The following PACRG variants were observed in gnomAD, a reference collection of about 807,000 sequenced individuals.
PACRG encodes parkin coregulated gene protein.
In PACRG, 29 loss-of-function variants were observed where a neutral mutation model predicts 29.7. That is an observed-to-expected ratio of 0.98 (90% CI 0.73 to 1.33). The LOEUF is 1.33. Ranked by LOEUF, PACRG falls within the 40% of genes most tolerant of loss-of-function variation. The probability of loss-of-function intolerance (pLI) is 0.00; values close to 1 mark genes in which losing one functional copy is unlikely to be tolerated. For synonymous variants in PACRG, 116 were observed against 118.7 expected (o/e 0.98, Z 0.15); for missense variants, 279 against 316.2 (o/e 0.88, Z 0.89).
intron 2 of PACRG, among the ~76,000 whole-genome samples, chr6:162,834,023 C>T (rs1789006297): frequency 6.6e-6 from 1 of 152,042 alleles, no homozygotes; most frequent in Non-Finnish European, 1.5e-5. Flanking sequence ...ACTCCCTGCT[C>T]CCCACATCCC....
chr6:162,872,380 G>A (rs1584607798), intron 2 of PACRG, among the ~76,000 whole-genome samples: 1 of 152,288 alleles, frequency 6.6e-6, no homozygotes, highest in East Asian at 1.9e-4. Flanking sequence ...ATCTCTAGCA[G>A]TTGAGTATTA....
chr6:163,090,877 G>A lies in PACRG; in HGVS notation c.613+1469G>A, dbSNP rs565609025. 8.5e-5 allele frequency among the ~76,000 whole-genome samples: 13 copies of A among 152,292 alleles called. No individual in the cohort carries two copies. In the South Asian group the frequency reaches 2.7e-3, roughly 32 times the overall value. On this transcript the variant is annotated intron_variant, in intron 4 of 4. Coordinates refer to ENST00000366888, the MANE Select transcript of PACRG (RefSeq NM_001080379.2). ...CTTAGTTAACATTTTTGAAGTGTGC[G>A]ATTCACTAATATTTCCTCAGTAATC... is the stretch of plus-strand genomic sequence containing the variant.
At chr6:163,033,458 AAT>A in intron 2 of PACRG, among the ~76,000 whole-genome samples, 1 of 152,360 alleles carries the variant, frequency 6.6e-6, no homozygotes, top group East Asian at 1.9e-4. Flanking sequence ...ATGTAGACCA[AAT>A]ATTTATAGTT....
intron 4 of PACRG, among the ~76,000 whole-genome samples, chr6:163,115,225 T>C (rs1447935313): frequency 6.6e-6 from 1 of 152,094 alleles, no homozygotes; most frequent in East Asian, 1.9e-4. Context: ...ATGTAGGCTG[T>C]GACCTTATTA....
chr6:163,296,537 C>A (rs190632976), intron 4 of PACRG, among the ~76,000 whole-genome samples: 1 of 152,232 alleles, frequency 6.6e-6, no homozygotes, highest in Non-Finnish European at 1.5e-5. Flanking sequence ...GAGTGATCCA[C>A]TCACCTCGGC....
chr6:163,102,068 T>A (rs529012452), intron 4 of PACRG, among the ~76,000 whole-genome samples: 9 of 152,120 alleles, frequency 5.9e-5, no homozygotes, highest in Non-Finnish European at 1.3e-4. Flanking sequence ...CCTCGCCCGG[T>A]GAACCTGAAT....
At chr6:162,810,872 C>T (rs1303176449) in intron 1 of PACRG, among the ~76,000 whole-genome samples, 1 of 152,086 alleles carries the variant, frequency 6.6e-6, no homozygotes, top group African/African-American at 2.4e-5. Context: ...CAAAGAAGTA[C>T]TCAAAGAAAT....
rs113190909 is a variant in PACRG at position 163,155,215 on chromosome 6, C to T, written c.613+65807C>T. Among the ~76,000 whole-genome samples the T allele has an allele frequency of 7.2e-4, 110 of 152,262 alleles. 1 individual carries two copies. The highest frequency in any genetic ancestry group is 2.2e-3 in the African/African-American group (93 of 41,540). On this transcript the variant is annotated intron_variant, in intron 4 of 4. Transcript: ENST00000366888. ...AGGCATGAAAGACCCTTCCCGAGCCCGCTTTCCAAAGATACGTATGCTTCC... is the reference window on the plus strand; with the variant it reads ...AGGCATGAAAGACCCTTCCCGAGCCTGCTTTCCAAAGATACGTATGCTTCC...
chr6:163,308,974 T>C (rs10945890), intron 4 of PACRG, among the ~76,000 whole-genome samples: 42,860 of 152,112 alleles, frequency 0.28, 6,266 homozygotes, highest in African/African-American at 0.35. Context: ...CATTTGAGAA[T>C]CAAAAATATG....
At chr6:163,068,210 CCG>C (rs1309797291) in intron 3 of PACRG, among the ~76,000 whole-genome samples, 2 of 152,154 alleles carry the variant, frequency 1.3e-5, no homozygotes, top group African/African-American at 4.8e-5. Flanking sequence ...CTAGTAATTT[CCG>C]GGAAGCATAT....
intron 4 of PACRG, chr6:163,189,669 A>G (rs1001507900): frequency 6.6e-6 from 1 of 152,236 alleles, no homozygotes; most frequent in Non-Finnish European, 1.5e-5. Flanking sequence ...CAGCCCTCCA[A>G]CAAATTAATT....
intron 2 of PACRG, among the ~76,000 whole-genome samples, chr6:162,856,746 C>T (rs943625390): frequency 4.6e-5 from 7 of 152,124 alleles, no homozygotes; most frequent in African/African-American, 1.2e-4. Context: ...TACAAATAGC[C>T]GTTTGAATAA....
intron 1 of PACRG, among the ~76,000 whole-genome samples, chr6:162,731,321 C>T (rs1779750929): frequency 6.6e-6 from 1 of 151,988 alleles, no homozygotes; most frequent in African/African-American, 2.4e-5. Context: ...ACAGATTCTG[C>T]CTCCATGGAT....
At chr6:162,744,546 GATC>G (rs1780841652) in intron 1 of PACRG, among the ~76,000 whole-genome samples, 1 of 152,088 alleles carries the variant, frequency 6.6e-6, no homozygotes, top group Non-Finnish European at 1.5e-5. Flanking sequence ...AGTGAGCTGT[GATC>G]ATCACTGCAC....
At chr6:163,208,412 C>CT (rs5881514) in intron 4 of PACRG, among the ~76,000 whole-genome samples, 31 of 151,162 alleles carry the variant, frequency 2.1e-4, no homozygotes, top group East Asian at 5.9e-4. Context: ...CTACATTTTA[C>CT]TTTTTTTAAA....
intron 2 of PACRG, among the ~76,000 whole-genome samples, chr6:163,030,180 C>T (rs1005360543): frequency 2.7e-5 from 4 of 149,598 alleles, no homozygotes; most frequent in East Asian, 2.0e-4. Flanking sequence ...GTCACAAGGG[C>T]ATCACTGGCA....
At chr6:163,149,624 C>T (rs1777990128) in intron 4 of PACRG, among the ~76,000 whole-genome samples, 1 of 152,160 alleles carries the variant, frequency 6.6e-6, no homozygotes, top group East Asian at 1.9e-4. Flanking sequence ...CTCCTCCCTC[C>T]CCCGGGCTGC....
At chr6:163,114,328 A>T (rs1007685721) in intron 4 of PACRG, among the ~76,000 whole-genome samples, 2 of 152,204 alleles carry the variant, frequency 1.3e-5, no homozygotes, top group Non-Finnish European at 2.9e-5. Flanking sequence ...GTGTTATTGA[A>T]GTTAAGTTGG....
chr6:162,974,648 G>A (rs189300500), intron 2 of PACRG, among the ~76,000 whole-genome samples: 42 of 152,246 alleles, frequency 2.8e-4, no homozygotes, highest in Middle Eastern at 6.8e-3. Context: ...CTATTGACAT[G>A]CATTGTTTCC....
Sources: gnomAD v4.1 joint callset for allele counts (sites outside exome capture counted in the v4.1 genomes callset) on GRCh38, gnomAD v4.1.1 for gene constraint, MANE v1.5 for transcripts, NCBI Gene and HGNC (gene_info 2026-07-23, HGNC 2026-07-21) for gene names.